PACRG: variants seen among roughly 807,000 people sequenced by gnomAD.
PACRG encodes the protein parkin coregulated, also known as parkin coregulated gene protein.
Under a neutral mutation model 29.7 loss-of-function variants are expected in PACRG, and 29 were observed. The ratio of observed to expected loss-of-function variants is 0.98; its 90% CI spans 0.73 to 1.33. PACRG has a LOEUF of 1.33. Ranked by LOEUF, PACRG falls within the 40% of genes most tolerant of loss-of-function variation. The probability of loss-of-function intolerance (pLI) is 0.00; values close to 1 mark genes in which losing one functional copy is unlikely to be tolerated. For missense variants in PACRG, 279 were observed against 316.2 expected, an observed-to-expected ratio of 0.88 and a Z score of 0.89; for synonymous variants, 116 against 118.7, an observed-to-expected ratio of 0.98 and a Z score of 0.15.
At chr6:162,886,664 C>T (rs929173422) in intron 2 of PACRG, among the ~76,000 whole-genome samples, 2 of 151,980 alleles carry the variant, frequency 1.3e-5, no homozygotes, top group African/African-American at 4.8e-5. Context: ...AAGTTTTGAC[C>T]ATTTATTTTT....
intron 1 of PACRG, among the ~76,000 whole-genome samples, chr6:162,802,613 A>G (rs1359802148): frequency 1.3e-5 from 2 of 152,116 alleles, no homozygotes; most frequent in African/African-American, 4.8e-5. Context: ...AGATCTTGAC[A>G]TCCCACAGGG....
intron 2 of PACRG, among the ~76,000 whole-genome samples, chr6:162,889,509 T>A (rs1458153333): frequency 6.6e-6 from 1 of 152,236 alleles, no homozygotes; most frequent in Admixed American, 6.5e-5. Flanking sequence ...GGAAGTAGAT[T>A]TGTTTACTGT....
At chr6:163,046,959 A>G (rs1283118713) in intron 2 of PACRG, among the ~76,000 whole-genome samples, 1 of 152,254 alleles carries the variant, frequency 6.6e-6, no homozygotes, top group Non-Finnish European at 1.5e-5. Flanking sequence ...TGCCACTATC[A>G]TAACAATTTC....
chr6:162,971,210 A>G (rs1354309306), intron 2 of PACRG, among the ~76,000 whole-genome samples: 1 of 152,240 alleles, frequency 6.6e-6, no homozygotes, highest in Non-Finnish European at 1.5e-5. Flanking sequence ...ACAACGAGTC[A>G]AAGGAGCTAA....
chr6:163,012,209 A>C (rs2128211877), intron 2 of PACRG, among the ~76,000 whole-genome samples: 1 of 152,352 alleles, frequency 6.6e-6, no homozygotes, highest in African/African-American at 2.4e-5. Context: ...AAGGTCCAAA[A>C]GAAAATAAGT....
At chr6:162,909,761 A>T (rs1255211615) in intron 2 of PACRG, among the ~76,000 whole-genome samples, 1 of 152,064 alleles carries the variant, frequency 6.6e-6, no homozygotes, top group Non-Finnish European at 1.5e-5. Flanking sequence ...ACTTCTTAAG[A>T]GTAAGGGCCA....
At chr6:163,024,413 T>C (rs951023979) in intron 2 of PACRG, among the ~76,000 whole-genome samples, 3 of 152,168 alleles carry the variant, frequency 2.0e-5, no homozygotes, top group African/African-American at 7.2e-5. Context: ...ATGAGTTCTC[T>C]CTTCTGTTCC....
intron 4 of PACRG, among the ~76,000 whole-genome samples, chr6:163,239,030 C>T (rs1050473800): frequency 1.3e-5 from 2 of 152,194 alleles, no homozygotes; most frequent in Admixed American, 6.5e-5. Flanking sequence ...GTGGTCAGCA[C>T]TTAGCATGTG....
chr6:163,140,127 A>T (rs1193533304), intron 4 of PACRG, among the ~76,000 whole-genome samples: 2 of 152,178 alleles, frequency 1.3e-5, no homozygotes, highest in Non-Finnish European at 2.9e-5. Context: ...ATACACGTAG[A>T]CCAAGCTGCA....
chr6:163,219,711 C>A (rs912552793), intron 4 of PACRG, among the ~76,000 whole-genome samples: 1 of 151,518 alleles, frequency 6.6e-6, no homozygotes, highest in African/African-American at 2.4e-5. Flanking sequence ...CCTCCTCCTA[C>A]AGCTCAGCCT....
At chr6:163,018,234 A>G in intron 2 of PACRG, among the ~76,000 whole-genome samples, 1 of 152,018 alleles carries the variant, frequency 6.6e-6, no homozygotes, top group East Asian at 1.9e-4. Context: ...CCTACCCCTC[A>G]TTTTTACTAC....
chr6:162,892,323 T>G (rs1452222217), intron 2 of PACRG, among the ~76,000 whole-genome samples: 1 of 152,208 alleles, frequency 6.6e-6, no homozygotes. Flanking sequence ...GACATCTGAC[T>G]TTGGTCTCCT....
chr6:163,274,828 A>AAATGTACT (rs1310955146), intron 4 of PACRG, among the ~76,000 whole-genome samples: 2 of 150,832 alleles, frequency 1.3e-5, no homozygotes, highest in Non-Finnish European at 3.0e-5. Flanking sequence ...TGCTTCTGTT[A>AAATGTACT]AATGTACTTC....
At chr6:163,312,889 A>G in intron 4 of PACRG, 2 of 351,080 alleles carry the variant, frequency 5.7e-6, no homozygotes, top group Non-Finnish European at 5.6e-6. Context: ...AGTAGCTGAG[A>G]TTATAGGTAC....
intron 2 of PACRG, among the ~76,000 whole-genome samples, chr6:162,882,564 C>T (rs1357445272): frequency 6.6e-6 from 1 of 152,106 alleles, no homozygotes; most frequent in Non-Finnish European, 1.5e-5. Context: ...GTGTAGACCT[C>T]AGGGGCTCTT....
chr6:163,165,369 AG>A (rs1778750831), intron 4 of PACRG: 2 of 152,264 alleles, frequency 1.3e-5, no homozygotes, highest in Admixed American at 1.3e-4. Context: ...CAGAACGGAA[AG>A]GGCCCTGGGG....
At chr6:163,067,459 CT>C (rs1416238088) in intron 3 of PACRG, among the ~76,000 whole-genome samples, 4 of 152,148 alleles carry the variant, frequency 2.6e-5, no homozygotes, top group African/African-American at 9.7e-5. Flanking sequence ...AGAAACACAA[CT>C]TTAAGATTTT....
At chr6:162,784,164 C>T (rs908068738) in intron 1 of PACRG, among the ~76,000 whole-genome samples, 1 of 152,034 alleles carries the variant, frequency 6.6e-6, no homozygotes, top group Non-Finnish European at 1.5e-5. Flanking sequence ...CCTTTATGTC[C>T]TTCAGTAGAG....
chr6:162,947,347 TTAC>T lies in PACRG; in HGVS notation c.292-114802_292-114800del, dbSNP rs1219671916. ...ATACATATAATCATATATATAATGA[TTAC>T]ATATATATAATGTAATCATATATAA... On this transcript the variant is annotated intron_variant, in intron 2 of 4. Transcript: ENST00000366888. Among the ~76,000 whole-genome samples, 87 of 51,026 alleles carry T rather than the reference TTAC, an allele frequency of 1.7e-3. 8 individuals are homozygous for T. The highest frequency in any genetic ancestry group is 3.9e-3 in the African/African-American group (54 of 13,984). The allele number at this position is 51,026 out of a possible 152,430, so 33.5% of individuals were successfully genotyped here.
Sources: gnomAD v4.1 joint callset for allele counts (sites outside exome capture counted in the v4.1 genomes callset) on GRCh38, gnomAD v4.1.1 for gene constraint, MANE v1.5 for transcripts, NCBI Gene and HGNC (gene_info 2026-07-23, HGNC 2026-07-21) for gene names.